PIPOX: variants seen among roughly 807,000 people sequenced by gnomAD.
PIPOX encodes pipecolic acid and sarcosine oxidase, also known as peroxisomal sarcosine oxidase.
PIPOX carries 45 observed loss-of-function variants against 47.9 expected under a neutral mutation model. The ratio of observed to expected loss-of-function variants is 0.94; its 90% confidence interval spans 0.74 to 1.20. The LOEUF (loss-of-function observed/expected upper bound fraction) is 1.20, where lower values mean the gene tolerates loss of function less well. PIPOX is among the 50% of genes most tolerant of loss of function. The pLI is 0.00. For missense variants in PIPOX, 458 were observed against 498.4 expected (o/e 0.92, Z 0.77); for synonymous variants, 165 against 191.3 (o/e 0.86, Z 1.13).
At chr17:29,046,867 A>T in intron 2 of PIPOX, 1 of 525,794 alleles carries the variant, frequency 1.9e-6, no homozygotes, top group African/African-American at 2.1e-5. Context: ...AGCTTTTTTC[A>T]TCTGTGAAGT....
intron 2 of PIPOX, among the ~76,000 whole-genome samples, chr17:29,051,759 T>C (rs1052855267): frequency 6.6e-6 from 1 of 152,146 alleles, no homozygotes; most frequent in African/African-American, 2.4e-5. Flanking sequence ...TAGGAGACCA[T>C]CTATCGGTGT....
rs1013038681 is a variant in PIPOX, at chr17:29,056,423, C to A, written c.*118C>A. On this transcript the variant is annotated 3_prime_UTR_variant, in exon 8 of 8. Coordinates refer to ENST00000323372, the MANE Select transcript of PIPOX (RefSeq NM_016518.3). The stretch of plus-strand genomic sequence containing the variant: ...CCTTTTCTTCTGCCTCGCCTGAATC[C>A]CCCATAAACACCAGATGATTGAGTC... 2 of 1,159,966 alleles carry A rather than the reference C, an allele frequency of 1.7e-6. No individual in the cohort carries two copies. The highest frequency in any genetic ancestry group is 2.5e-6 in the Non-Finnish European group (2 of 812,302). 71.9% of individuals were successfully genotyped at this position (1,159,966 alleles called of 1,614,324 possible).
chr17:29,055,943 A>C, intron 7 of PIPOX, 55 bp downstream of exon 7: 1 of 1,490,844 alleles, frequency 6.7e-7, no homozygotes, highest in South Asian at 1.1e-5. Context: ...CCTCAGTGCC[A>C]GGTGAAATGG....
chr17:29,043,432 G>T, intron 1 of PIPOX, 93 bp downstream of exon 1: 1 of 794,534 alleles, frequency 1.3e-6, no homozygotes, highest in East Asian at 2.7e-5. Flanking sequence ...TACAGGGCAA[G>T]GCCAAAGGGA....
In PIPOX at chr17:29,053,480, T is replaced by TAA. The variant is rs773203478; in HGVS notation, c.546_547insAA (p.Leu183AsnfsTer5). On this transcript the variant is annotated frameshift_variant, in exon 4 of 8. Transcript: ENST00000323372. LOFTEE classifies it high-confidence loss of function. ...AAGGTGGTGGAGATAAACCCAGGGC[T>TAA]ACTGGTCACGGTGAAAACCACCTCC... The TAA allele has an allele frequency of 6.2e-6, 10 of 1,614,080 alleles. No individual in the cohort carries two copies. Among genetic ancestry groups the TAA allele is most frequent in the Non-Finnish European group, 8.5e-6 (10 of 1,180,014 alleles).
chr17:29,043,189 CCTTTGA>C lies in PIPOX; in HGVS notation c.-36_-31del. The C allele has an allele frequency of 6.6e-7, 1 of 1,521,316 alleles. No individual in the cohort carries two copies. Among genetic ancestry groups the C allele is most frequent in the South Asian group, 1.1e-5 (1 of 87,264 alleles). The allele number at this position is 1,521,316 out of a possible 1,614,324, so 94.2% of individuals were successfully genotyped here. On this transcript the variant is annotated 5_prime_UTR_variant, in exon 1 of 8. Transcript: ENST00000323372. ...GGGAGCCTGTCTTTGCTTGCCTTTG[CCTTTGA>C]GGCTCTGTGGCTGTGGGGCTGAGTG... is the stretch of plus-strand genomic sequence containing the variant.
intron 2 of PIPOX, among the ~76,000 whole-genome samples, chr17:29,050,678 A>T (rs893835706): frequency 7.2e-5 from 11 of 152,088 alleles, no homozygotes; most frequent in African/African-American, 2.7e-4. Context: ...ATTTCTATAC[A>T]CACAAAAAAT....
chr17:29,043,985 C>T (rs1369345561), intron 1 of PIPOX, among the ~76,000 whole-genome samples: 1 of 152,150 alleles, frequency 6.6e-6, no homozygotes, highest in Admixed American at 6.5e-5. Flanking sequence ...ACAGGGCCAC[C>T]CAGCTATCCA....
chr17:29,056,448 C>T lies in PIPOX; in HGVS notation c.*143C>T. ...CCCCATAAACACCAGATGATTGAGT[C>T]TACCTTCTTTCCTTGGCCCGCTCCC... On this transcript the variant is annotated 3_prime_UTR_variant, in exon 8 of 8. Coordinates refer to ENST00000323372, the MANE Select transcript of PIPOX (RefSeq NM_016518.3). 1 of 920,542 alleles carries T rather than the reference C, an allele frequency of 1.1e-6. No individual in the cohort carries two copies. The highest frequency in any genetic ancestry group is 2.6e-5 in the Admixed American group (1 of 38,626). The allele number at this position is 920,542 out of a possible 1,614,324, so 57.0% of individuals were successfully genotyped here. A position where few individuals can be genotyped will look rare whatever the true frequency, so the allele number is the denominator to read the frequency against.
At chr17:29,052,460 A>G (rs2065810055) in intron 2 of PIPOX, among the ~76,000 whole-genome samples, 1 of 152,266 alleles carries the variant, frequency 6.6e-6, no homozygotes, top group Non-Finnish European at 1.5e-5. Flanking sequence ...GACTGAATCT[A>G]GATGGCTTCA....
At position 29,053,105 on chromosome 17, in the gene PIPOX, A is replaced by G. The variant is rs577475812; in HGVS notation, c.449A>G (p.Tyr150Cys). 4.3e-6 allele frequency: 7 copies of G among 1,614,172 alleles called. No individual in the cohort carries two copies. The South Asian group carries it at 4.4e-5, about 10-fold the overall frequency. ...GLLDNSGGVI[Y>C]AYKALRALQD... Reference sequence around the variant, plus strand: ...TTGGACAATTCCGGAGGAGTTATCTATGCATATAAGGCCCTCAGAGCCCTG... The same window carrying G: ...TTGGACAATTCCGGAGGAGTTATCTGTGCATATAAGGCCCTCAGAGCCCTG... The change falls in exon 3 of 8, where the codon TAT (tyrosine) becomes TGT (cysteine). Residue 150 changes from tyrosine (Y) to cysteine (C), a missense_variant. Transcript: ENST00000323372.
At chr17:29,049,592 C>T (rs1480652412) in intron 2 of PIPOX, among the ~76,000 whole-genome samples, 1 of 152,184 alleles carries the variant, frequency 6.6e-6, no homozygotes, top group Non-Finnish European at 1.5e-5. Flanking sequence ...TGACTGGTTT[C>T]CAATTCTCTA....
chr17:29,044,718 C>A, intron 1 of PIPOX, 141 bp from the exon 2 acceptor site: 2 of 849,834 alleles, frequency 2.4e-6, no homozygotes, highest in Non-Finnish European at 3.5e-6. Context: ...TCTTCCTGTG[C>A]ATAATCCTTC....
chr17:29,052,523 C>A (rs1025600350), intron 2 of PIPOX, among the ~76,000 whole-genome samples: 2 of 152,218 alleles, frequency 1.3e-5, no homozygotes, highest in African/African-American at 4.8e-5. Flanking sequence ...CACCTGGACC[C>A]GAGATCCCTC....
In PIPOX at chr17:29,052,987, T is replaced by C. The variant is rs756640129; in HGVS notation, c.331T>C (p.Ser111Pro). ...ATTAAAGACAATCCAGGCCAATCTGTCGAGGCAGAGGGTAGAACACCAGTG... is the reference window on the plus strand; with the variant it reads ...ATTAAAGACAATCCAGGCCAATCTGCCGAGGCAGAGGGTAGAACACCAGTG... ...QELKTIQANL[S>P]RQRVEHQCLS... The change falls in exon 3 of 8, where the codon TCG (serine) becomes CCG (proline). Residue 111 changes from serine to proline, a missense_variant. Coordinates refer to ENST00000323372, the MANE Select transcript of PIPOX (RefSeq NM_016518.3). 6.2e-7 allele frequency: 1 copy of C among 1,614,216 alleles called. No individual in the cohort carries two copies. Among genetic ancestry groups the C allele is most frequent in the Non-Finnish European group, 8.5e-7 (1 of 1,180,016 alleles).
At chr17:29,055,678 AT>A (rs2065824923) in intron 6 of PIPOX, 134 bp from the exon 7 acceptor site, 1 of 768,368 alleles carries the variant, frequency 1.3e-6, no homozygotes, top group East Asian at 2.4e-5. Context: ...GGGCACGGGC[AT>A]GCGGAAAGCA....
Position 29,055,896 on chromosome 17 carries a change from T to G in PIPOX, c.1042+8T>G. On this transcript the variant is annotated splice_region_variant and intron_variant, in intron 7 of 7. Transcript: ENST00000323372. ...TTGGTGCTGGATTCTCTGGTGAGTC[T>G]GAGCTGGGGGGAATGGGGTGCCTTA... is the stretch of plus-strand genomic sequence containing the variant. 1 of 1,613,138 alleles carries G rather than the reference T, an allele frequency of 6.2e-7. No individual in the cohort carries two copies. Among genetic ancestry groups the G allele is most frequent in the East Asian group, 2.2e-5 (1 of 44,880 alleles).
At chr17:29,054,907 G>C (rs1341749017) in intron 5 of PIPOX, among the ~76,000 whole-genome samples, 156 bp from the exon 6 acceptor site, 1 of 152,198 alleles carries the variant, frequency 6.6e-6, no homozygotes. Flanking sequence ...GGGACCAACA[G>C]CTAAGCAGCC....
chr17:29,056,300 C>A lies in PIPOX; in HGVS notation c.1168C>A (p.Leu390Ile), dbSNP rs753668227. Residue 390 changes from leucine to isoleucine, a missense_variant, in exon 8 of 8, where the codon CTT becomes ATT. Physicochemically the swap from Leu to Ile is conservative, Grantham distance 5 (BLOSUM62 2). Coordinates refer to ENST00000323372, the MANE Select transcript of PIPOX (RefSeq NM_016518.3). ...SRFPSLGKAH[L>I] The stretch of plus-strand genomic sequence containing the variant: ...TTTCCCAAGCCTGGGCAAAGCCCAC[C>A]TTTGACCTCTGGCCAGAAGCCTCCC... 3 of 1,614,196 alleles carry A rather than the reference C, an allele frequency of 1.9e-6. No individual in the cohort carries two copies. Among genetic ancestry groups the A allele is most frequent in the South Asian group, 2.2e-5 (2 of 91,074 alleles).
Sources: gnomAD v4.1 joint callset for allele counts (sites outside exome capture counted in the v4.1 genomes callset) on GRCh38, gnomAD v4.1.1 for gene constraint, MANE v1.5 for transcripts, NCBI Gene and HGNC (gene_info 2026-07-23, HGNC 2026-07-21) for gene names.